The following HTT variants were observed in gnomAD, a reference collection of about 807,000 sequenced individuals.
HTT encodes huntingtin, also known as huntington disease protein.
A neutral mutation model predicts 362.3 loss-of-function variants in HTT; 104 were observed. That is an observed-to-expected ratio of 0.29 (90% confidence interval 0.24 to 0.34). HTT has a LOEUF of 0.34. Ranked by LOEUF, HTT falls within the 10% of genes least tolerant of loss-of-function variation. The pLI is 1.00. For synonymous variants in HTT, 1,577 were observed against 1,548.7 expected (o/e 1.02, Z -0.43); for missense variants, 3,301 against 3,928.6 (o/e 0.84, Z 4.27).
chr4:3,086,451 G>A (rs890421394), intron 1 of HTT, among the ~76,000 whole-genome samples: 1 of 152,110 alleles, frequency 6.6e-6, no homozygotes, highest in South Asian at 2.1e-4. Context: ...TGGGAAGATC[G>A]CTTGAGGCCA....
chr4:3,208,719 T>TAAAA, intron 45 of HTT, 54 bp from the exon 46 acceptor site: 14 of 1,210,256 alleles, frequency 1.2e-5, no homozygotes, highest in Non-Finnish European at 1.4e-5. Flanking sequence ...AGACTAAGAC[T>TAAAA]AAAAAAAAAA....
intron 27 of HTT, among the ~76,000 whole-genome samples, chr4:3,155,364 G>A (rs1717089054): frequency 6.6e-6 from 1 of 151,086 alleles, no homozygotes; most frequent in Non-Finnish European, 1.5e-5. Flanking sequence ...TGGGACTACA[G>A]GTGTGCACCA....
chr4:3,189,434 T>C (rs1023813211), intron 40 of HTT, among the ~76,000 whole-genome samples: 2 of 152,200 alleles, frequency 1.3e-5, no homozygotes, highest in African/African-American at 4.8e-5. Context: ...CAGTGGAATA[T>C]TATTCAGCCT....
intron 60 of HTT, among the ~76,000 whole-genome samples, chr4:3,232,090 G>A (rs1721280106): frequency 6.6e-6 from 1 of 152,176 alleles, no homozygotes; most frequent in South Asian, 2.1e-4. Flanking sequence ...CTGATGTGGG[G>A]CTTTCAGAAG....
Position 3,132,731 on chromosome 4 carries a change from GT to G in HTT, c.2395+16del, listed in dbSNP as rs1715883434. 3 of 1,614,102 alleles carry G rather than the reference GT, an allele frequency of 1.9e-6. No individual in the cohort carries two copies. The highest frequency in any genetic ancestry group is 2.5e-6 in the Non-Finnish European group (3 of 1,179,932). ...TTAGAACCCTCACAGGTAACGGCCA[GT>G]TTTTCAGCTGTGTTTTTTCTAGTTA... On this transcript the variant is annotated intron_variant, in intron 17 of 66. Transcript: ENST00000355072.
intron 6 of HTT, among the ~76,000 whole-genome samples, chr4:3,110,256 G>A (rs751616202): frequency 2.6e-5 from 4 of 152,052 alleles, no homozygotes; most frequent in Non-Finnish European, 4.4e-5. Context: ...CCTCTATATC[G>A]CTTGCTTATT....
intron 16 of HTT, 39 bp from the exon 17 acceptor site, chr4:3,132,523 T>C: frequency 1.3e-6 from 2 of 1,557,694 alleles, no homozygotes; most frequent in Non-Finnish European, 1.8e-6. Flanking sequence ...AAGTTGATAG[T>C]AGGGAATTGT....
chr4:3,169,589 T>G (rs1355477949), intron 29 of HTT, among the ~76,000 whole-genome samples: 1 of 151,990 alleles, frequency 6.6e-6, no homozygotes, highest in Non-Finnish European at 1.5e-5. Context: ...TTTTTTTTTG[T>G]TTTTGAAACA....
chr4:3,164,748 CT>C (rs1187666379), intron 29 of HTT, among the ~76,000 whole-genome samples: 3 of 151,088 alleles, frequency 2.0e-5, no homozygotes, highest in African/African-American at 7.3e-5. Context: ...GCAATCCCTG[CT>C]TTTTTTTTGC....
rs780559736 is a variant in HTT, at chr4:3,123,652, T to C, written c.1321+716T>C. Among the ~76,000 whole-genome samples the C allele has an allele frequency of 2.3e-4, 35 of 152,120 alleles. 1 individual carries two copies. The highest frequency in any genetic ancestry group is 4.1e-4 in the Non-Finnish European group (28 of 68,020). On this transcript the variant is annotated intron_variant, in intron 10 of 66. Coordinates refer to ENST00000355072, the MANE Select transcript of HTT (RefSeq NM_001388492.1). Reference sequence around the variant, plus strand: ...TCACAGTGAGCTGTAGTCATGCCACTGCACTCCAGCCTAGGCAACAGAATG... The same window carrying C: ...TCACAGTGAGCTGTAGTCATGCCACCGCACTCCAGCCTAGGCAACAGAATG...
chr4:3,146,126 G>A (rs767301564), intron 24 of HTT, among the ~76,000 whole-genome samples: 4 of 152,204 alleles, frequency 2.6e-5, no homozygotes, highest in African/African-American at 4.8e-5. Flanking sequence ...ACAAGGGGTT[G>A]ATATTTATGA....
At chr4:3,188,815 G>A in intron 39 of HTT, 136 bp from the exon 40 acceptor site, 1 of 802,468 alleles carries the variant, frequency 1.2e-6, no homozygotes, top group Non-Finnish European at 2.0e-6. Context: ...ACGGCGCTCT[G>A]CATTTCACTT....
chr4:3,230,280 G>A (rs1388711218), intron 60 of HTT, among the ~76,000 whole-genome samples: 1 of 152,194 alleles, frequency 6.6e-6, no homozygotes, highest in Non-Finnish European at 1.5e-5. Flanking sequence ...ATGGTTTGGG[G>A]TCCCGTATCC....
chr4:3,172,164 CTGTT>C (rs1214752428), intron 29 of HTT, among the ~76,000 whole-genome samples, 152 bp from the exon 30 acceptor site: 3 of 152,342 alleles, frequency 2.0e-5, no homozygotes, highest in East Asian at 1.9e-4. Context: ...TTTTTACTGA[CTGTT>C]CAAAATAAGA....
rs1170301847 is a variant in HTT, at chr4:3,220,166, C to T, written c.7243-16C>T. 1.2e-6 allele frequency: 2 copies of T among 1,614,058 alleles called. No individual in the cohort carries two copies. Among genetic ancestry groups the T allele is most frequent in the Admixed American group, 3.3e-5 (2 of 60,024 alleles). On this transcript the variant is annotated splice_polypyrimidine_tract_variant and intron_variant, in intron 52 of 66. Transcript: ENST00000355072. Reference sequence around the variant, plus strand: ...GACTCAACTCGGATGATGTCACTTCCTTTTCATCTTCTCAGGTGTGGAAGC... The same window carrying T: ...GACTCAACTCGGATGATGTCACTTCTTTTTCATCTTCTCAGGTGTGGAAGC...
chr4:3,220,954 A>C (rs1720644276), intron 53 of HTT, among the ~76,000 whole-genome samples: 1 of 152,210 alleles, frequency 6.6e-6, no homozygotes, highest in Non-Finnish European at 1.5e-5. Context: ...TTTCTAAACA[A>C]ATGTTACCCC....
Position 3,228,564 on chromosome 4 carries a change from G to C in HTT, c.7849-51G>C, listed in dbSNP as rs1721034618. The C allele has an allele frequency of 6.6e-7, 1 of 1,509,944 alleles. No homozygotes were observed. Among genetic ancestry groups the C allele is most frequent in the East Asian group, 2.3e-5 (1 of 43,670 alleles). The allele number at this position is 1,509,944 out of a possible 1,614,324, so 93.5% of individuals were successfully genotyped here. On this transcript the variant is annotated intron_variant, in intron 57 of 66. Transcript: ENST00000355072. The surrounding 1 kb of genome is among the most constrained non-coding windows in gnomAD (Gnocchi z 4.3). ...CCCAGTGGCCACACCCACCCACCAG[G>C]AGCCTGGCACTGTGGCCGCAGCACT... is the stretch of plus-strand genomic sequence containing the variant.
At chr4:3,126,365 C>A (rs1385861889) in intron 11 of HTT, among the ~76,000 whole-genome samples, 1 of 152,032 alleles carries the variant, frequency 6.6e-6, no homozygotes, top group Non-Finnish European at 1.5e-5. Context: ...GTTACAGATA[C>A]TTATCTAATG....
chr4:3,195,250 G>A (rs546470567), intron 40 of HTT, among the ~76,000 whole-genome samples: 1 of 152,240 alleles, frequency 6.6e-6, no homozygotes, highest in South Asian at 2.1e-4. Flanking sequence ...GAATTGGGAT[G>A]CGATCCCACA....
Sources: gnomAD v4.1 joint callset for allele counts (sites outside exome capture counted in the v4.1 genomes callset) on GRCh38, gnomAD v4.1.1 for gene constraint, Gnocchi (gnomAD v3.1) non-coding constraint, MANE v1.5 for transcripts, NCBI Gene and HGNC (gene_info 2026-07-23, HGNC 2026-07-21) for gene names.